Variants in TRPM6 observed in about 807,000 individuals in gnomAD.
TRPM6 encodes the protein channel kinase 2.
TRPM6 carries 111 observed loss-of-function variants against 247.6 expected under a neutral mutation model. The observed-to-expected ratio is 0.45, with a 90% CI of 0.38 to 0.52. TRPM6 has a LOEUF of 0.52. TRPM6 is among the 20% of genes least tolerant of loss of function. The probability of loss-of-function intolerance (pLI) is 0.00; values close to 1 mark genes in which losing one functional copy is unlikely to be tolerated. For synonymous variants in TRPM6, 892 were observed against 853.8 expected, an observed-to-expected ratio of 1.04 and a Z score of -0.78; for missense variants, 2,126 against 2,421.5, an observed-to-expected ratio of 0.88 and a Z score of 2.56.
chr9:74,820,519 C>A, intron 8 of TRPM6, 92 bp from the exon 9 acceptor site: 4 of 1,495,282 alleles, frequency 2.7e-6, no homozygotes, highest in Non-Finnish European at 3.7e-6. Flanking sequence ...GCTCCCCAGA[C>A]TGAAAAGGTG....
At chr9:74,764,055 C>A (rs747129689) in intron 25 of TRPM6, among the ~76,000 whole-genome samples, 1 of 148,996 alleles carries the variant, frequency 6.7e-6, no homozygotes, top group Admixed American at 6.8e-5. Context: ...GAGACTGACG[C>A]GGAGGTTGCA....
At chr9:74,746,742 A>T (rs1000097386) in intron 31 of TRPM6, among the ~76,000 whole-genome samples, 1 of 151,922 alleles carries the variant, frequency 6.6e-6, no homozygotes, top group Non-Finnish European at 1.5e-5. Context: ...GGCAAACGAA[A>T]GCATACACTT....
chr9:74,824,484 A>T (rs1010675123), intron 7 of TRPM6, among the ~76,000 whole-genome samples: 1 of 136,510 alleles, frequency 7.3e-6, no homozygotes, highest in African/African-American at 2.6e-5. Flanking sequence ...TATGCCCACA[A>T]AATCAAATAT....
rs1351302062 is a variant in TRPM6 at position 74,761,678 on chromosome 9, GA to G, written c.4785+17del. The G allele has an allele frequency of 6.7e-7, 1 of 1,498,052 alleles. No homozygotes were observed. The highest frequency in any genetic ancestry group is 9.3e-7 in the Non-Finnish European group (1 of 1,075,574). 92.8% of individuals were successfully genotyped at this position (1,498,052 alleles called of 1,614,324 possible). On this transcript the variant is annotated intron_variant, in intron 27 of 38. Coordinates refer to ENST00000360774, the MANE Select transcript of TRPM6 (RefSeq NM_017662.5). ...TTGACTGCTCAAAACCTAAAAGACA[GA>G]ATAACAGTACACTTACTGGCACCTG...
In TRPM6 at chr9:74,788,670, G is replaced by C; in HGVS notation, c.2611C>G (p.Gln871Glu). 6.2e-7 allele frequency: 1 copy of C among 1,614,078 alleles called. No homozygotes were observed. Among genetic ancestry groups the C allele is most frequent in the Non-Finnish European group, 8.5e-7 (1 of 1,179,956 alleles). Residue 871 changes from glutamine (Q) to glutamate (E), a missense_variant, in exon 20 of 39, where the codon CAG (glutamine) becomes GAG (glutamate). Transcript: ENST00000360774. ...ATGTAAATGCTAACAAGCCACTCCT[G>C]CACGCTGGGCTGGGGCTGCATCTCC... ...LVEMQPQPSV[Q>E]EWLVSIYIFT...
chr9:74,779,208 C>A (rs935421050), intron 23 of TRPM6, among the ~76,000 whole-genome samples: 2 of 152,118 alleles, frequency 1.3e-5, no homozygotes, highest in South Asian at 4.1e-4. Context: ...ACCAGGGAGG[C>A]GGAGGTTGCA....
At chr9:74,781,855 T>C (rs900758284) in intron 23 of TRPM6, among the ~76,000 whole-genome samples, 1 of 152,242 alleles carries the variant, frequency 6.6e-6, no homozygotes, top group Admixed American at 6.5e-5. Flanking sequence ...GTTCCACATC[T>C]GTGGATTCAA....
At chr9:74,785,509 C>T (rs1206479977) in intron 21 of TRPM6, among the ~76,000 whole-genome samples, 1 of 146,364 alleles carries the variant, frequency 6.8e-6, no homozygotes, top group Non-Finnish European at 1.5e-5. Flanking sequence ...CTTATGTACC[C>T]ACAAGAATTC....
chr9:74,843,868 G>T (rs1029344285), intron 3 of TRPM6, among the ~76,000 whole-genome samples: 1 of 151,928 alleles, frequency 6.6e-6, no homozygotes, highest in Non-Finnish European at 1.5e-5. Flanking sequence ...TGATCCATGG[G>T]CTGGGGCTGC....
At position 74,840,144 on chromosome 9, in the gene TRPM6, C is replaced by T. The variant is rs763736243; in HGVS notation, c.424G>A (p.Val142Ile). The stretch of plus-strand genomic sequence containing the variant: ...GTAAAGTTCTGGATGCCCCCATGGA[C>T]TGAGATCACAAGCTTGGGCAGTTCC... ...KMELPKLVIS[V>I]HGGIQNFTMP... Residue 142 changes from valine (V) to isoleucine (I), a missense_variant, in exon 5 of 39, where the codon GTC becomes ATC. Around this residue, in one of 3 missense-constraint regions of TRPM6, gnomAD observed 1,082 missense variants for 1,307.9 expected, o/e 0.83. Transcript: ENST00000360774. The T allele has an allele frequency of 3.1e-6, 5 of 1,613,990 alleles. No individual in the cohort carries two copies. The highest frequency in any genetic ancestry group is 1.6e-4 in the Middle Eastern group (1 of 6,062).
At chr9:74,851,378 A>G (rs1008045499) in intron 3 of TRPM6, among the ~76,000 whole-genome samples, 5 of 152,162 alleles carry the variant, frequency 3.3e-5, no homozygotes, top group Non-Finnish European at 7.3e-5. Context: ...AACAAAGAAT[A>G]AAATAAATTT....
intron 2 of TRPM6, among the ~76,000 whole-genome samples, chr9:74,857,246 A>C: frequency 6.6e-6 from 1 of 152,206 alleles, no homozygotes; most frequent in East Asian, 1.9e-4. Flanking sequence ...TAGGTAATTC[A>C]ATAAGGGTGG....
rs529103144 is a variant in TRPM6 at position 74,793,885 on chromosome 9, T to G, written c.2392-1115A>C. On this transcript the variant is annotated intron_variant, in intron 18 of 38. Transcript: ENST00000360774. ...AAGGTATGTGTCAGTCCAAGGGAAT[T>G]AACTCATGTAGAGAATTAGCAATGA... Among the ~76,000 whole-genome samples the G allele has an allele frequency of 7.2e-5, 11 of 152,306 alleles. No individual in the cohort carries two copies. The South Asian group carries it at 1.7e-3, about 23-fold the overall frequency.
intron 3 of TRPM6, among the ~76,000 whole-genome samples, chr9:74,843,834 G>C (rs1378434155): frequency 6.9e-6 from 1 of 145,090 alleles, no homozygotes; most frequent in African/African-American, 2.6e-5. Context: ...AAAAAAAAAA[G>C]AGTTGAAATT....
rs7026329 is a variant in TRPM6 at position 74,835,893 on chromosome 9, G to A, written c.545-1771C>T. 6.6e-3 allele frequency among the ~76,000 whole-genome samples: 997 copies of A among 152,078 alleles called. 13 individuals carry two copies. The highest frequency in any genetic ancestry group is 0.023 in the African/African-American group (967 of 41,484). On this transcript the variant is annotated intron_variant, in intron 5 of 38. Coordinates refer to ENST00000360774, the MANE Select transcript of TRPM6 (RefSeq NM_017662.5). ...GCTCCCACACAAACACAGCCTCCCC[G>A]ACTATCAGCATCCCCCAGGAGACTG...
Position 74,788,557 on chromosome 9 carries a change from G to A in TRPM6, c.2667+57C>T, listed in dbSNP as rs558029884. 1.1e-4 allele frequency: 183 copies of A among 1,606,664 alleles called. No individual in the cohort carries two copies. In the African/African-American group the frequency reaches 2.3e-3, roughly 20 times the overall value. On this transcript the variant is annotated intron_variant, in intron 20 of 38. Coordinates refer to ENST00000360774, the MANE Select transcript of TRPM6 (RefSeq NM_017662.5). ...ACCAGAGCCAAGGAGTCTTTCAGTG[G>A]ACACCTACAGAAGCTGAGGACATAT...
At position 74,762,532 on chromosome 9, in the gene TRPM6, T is replaced by A. The variant is rs1587479841; in HGVS notation, c.4139A>T (p.Gln1380Leu). 6.2e-7 allele frequency: 1 copy of A among 1,614,216 alleles called. No individual in the cohort carries two copies. The highest frequency in any genetic ancestry group is 2.2e-5 in the East Asian group (1 of 44,878). Residue 1380 changes from glutamine (Q) to leucine (L), a missense_variant, in exon 26 of 39, where the codon CAG becomes CTG. Transcript: ENST00000360774. The stretch of plus-strand genomic sequence containing the variant: ...AGTCAGATGAACAAGAACCTCAGTC[T>A]GGATGTCCTGTTCAGTTGCCAGCAC... ...PDVLATEQDI[Q>L]TEVLVHLTGQ...
In TRPM6 at chr9:74,858,734, C is replaced by A. The variant is rs779788268; in HGVS notation, c.48G>T (p.Trp16Cys). The change falls in exon 2 of 39, where the codon TGG becomes TGT. Residue 16 changes from tryptophan to cysteine, a missense_variant. Physicochemically the swap from Trp to Cys is radical, Grantham distance 215 (BLOSUM62 -2). Coordinates refer to ENST00000360774, the MANE Select transcript of TRPM6 (RefSeq NM_017662.5). ...VLERLQSQKS[W>C]IKGVFDKREC... ...CTCTCTTGTCAAATACTCCTTTAAT[C>A]CAGGATTTCTGGGACTAAAAAGAAA... 68 of 1,612,922 alleles carry A rather than the reference C, an allele frequency of 4.2e-5. No homozygotes were observed. Among genetic ancestry groups the A allele is most frequent in the African/African-American group, 5.3e-5 (4 of 74,856 alleles).
chr9:74,757,926 T>C (rs1208375527), intron 27 of TRPM6, among the ~76,000 whole-genome samples: 1 of 151,814 alleles, frequency 6.6e-6, no homozygotes, highest in Non-Finnish European at 1.5e-5. Context: ...AATAAATAAA[T>C]GAATAAATAA....
Sources: gnomAD v4.1 joint callset for allele counts (sites outside exome capture counted in the v4.1 genomes callset) on GRCh38, gnomAD v4.1.1 for gene constraint, gnomAD v4.1.1 regional missense constraint, MANE v1.5 for transcripts, NCBI Gene and HGNC (gene_info 2026-07-23, HGNC 2026-07-21) for gene names.